SLC39A11: variants seen among roughly 807,000 people sequenced by gnomAD.
SLC39A11 encodes the protein zinc transporter ZIP11.
In SLC39A11, 33 loss-of-function variants were observed where a neutral mutation model predicts 36.1. That is an observed-to-expected ratio of 0.91 (90% CI 0.69 to 1.22). The LOEUF (loss-of-function observed/expected upper bound fraction) is 1.22. Among genes scored for constraint, SLC39A11 ranks in the 50% most tolerant of loss-of-function variants. The probability of loss-of-function intolerance (pLI) is 0.00; values close to 1 mark genes in which losing one functional copy is unlikely to be tolerated. For synonymous variants in SLC39A11, 166 were observed against 170.3 expected (o/e 0.97, Z 0.20); for missense variants, 432 against 430.3 (o/e 1.00, Z -0.03).
intron 6 of SLC39A11, among the ~76,000 whole-genome samples, chr17:72,776,143 T>C (rs1222375057): frequency 6.6e-6 from 1 of 152,176 alleles, no homozygotes; most frequent in African/African-American, 2.4e-5. Context: ...AGATGGCGGA[T>C]TGGAGGCGCC....
chr17:73,017,525 C>T (rs62073071), intron 4 of SLC39A11, among the ~76,000 whole-genome samples: 40,293 of 152,008 alleles, frequency 0.27, 6,782 homozygotes, highest in Middle Eastern at 0.45. Flanking sequence ...CCAGCCTGAG[C>T]ATCATGGTGA....
chr17:72,967,399 A>AGAGAGAGTGTGTGT (rs143987646), intron 4 of SLC39A11, among the ~76,000 whole-genome samples: 5 of 138,198 alleles, frequency 3.6e-5, no homozygotes, highest in Admixed American at 2.2e-4. Flanking sequence ...AGAGAGAGAG[A>AGAGAGAGTGTGTGT]GTGTGTGTGT....
At chr17:73,004,669 C>T (rs1011526652) in intron 4 of SLC39A11, among the ~76,000 whole-genome samples, 4 of 152,196 alleles carry the variant, frequency 2.6e-5, no homozygotes, top group South Asian at 2.1e-4. Context: ...GAAGTTAAAG[C>T]GTAAGACACC....
chr17:73,053,208 A>T (rs1171418106), intron 3 of SLC39A11, among the ~76,000 whole-genome samples: 1 of 151,502 alleles, frequency 6.6e-6, no homozygotes, highest in East Asian at 1.9e-4. Flanking sequence ...AACAGAAACA[A>T]CCATTATGTA....
At chr17:73,020,185 T>C (rs959526340) in intron 4 of SLC39A11, among the ~76,000 whole-genome samples, 18 of 152,336 alleles carry the variant, frequency 1.2e-4, no homozygotes, top group Admixed American at 1.2e-3. Context: ...AAACAGAATA[T>C]TTGTGTCCCC....
At chr17:73,009,058 C>CAAAAAAAAA (rs34448509) in intron 4 of SLC39A11, among the ~76,000 whole-genome samples, 2 of 78,816 alleles carry the variant, frequency 2.5e-5, no homozygotes, top group African/African-American at 4.6e-5. Context: ...AGACCTGCCT[C>CAAAAAAAAA]AAAAAAAAAA....
chr17:72,919,681 A>G lies in SLC39A11; in HGVS notation c.430+28071T>C, dbSNP rs796639440. 2.3e-4 allele frequency among the ~76,000 whole-genome samples: 34 copies of G among 146,606 alleles called. 3 individuals are homozygous for G. Among genetic ancestry groups the G allele is most frequent in the African/African-American group, 8.8e-4 (34 of 38,502 alleles). On this transcript the variant is annotated intron_variant, in intron 5 of 9. Transcript: ENST00000255559. ...AGGGAGAGTCCGTCAAAAAAAAAAAAAAAAGAAAAAAAGAAGGAAACCCAA... is the reference window on the plus strand; with the variant it reads ...AGGGAGAGTCCGTCAAAAAAAAAAAGAAAAGAAAAAAAGAAGGAAACCCAA...
chr17:73,078,278 C>T (rs570696653), intron 3 of SLC39A11, among the ~76,000 whole-genome samples: 9 of 150,904 alleles, frequency 6.0e-5, no homozygotes, highest in Admixed American at 2.0e-4. Flanking sequence ...AAACTAGGTG[C>T]CCCATCACTC....
intron 3 of SLC39A11, among the ~76,000 whole-genome samples, chr17:73,062,475 A>AAAAAAAAAAAAAAAAAAACAAAAC (rs56021607): frequency 8.0e-5 from 7 of 87,032 alleles, no homozygotes; most frequent in Admixed American, 3.0e-4. Flanking sequence ...AAAAAAAAAA[A>AAAAAAAAAAAAAAAAAAACAAAAC]AAACTTTAGG....
intron 5 of SLC39A11, among the ~76,000 whole-genome samples, chr17:72,886,931 T>C (rs2081466046): frequency 6.6e-6 from 1 of 152,208 alleles, no homozygotes; most frequent in Admixed American, 6.5e-5. Context: ...TTTCACATCT[T>C]TCAGGTCTTT....
At chr17:72,670,330 C>T (rs984072999) in intron 7 of SLC39A11, among the ~76,000 whole-genome samples, 1 of 150,898 alleles carries the variant, frequency 6.6e-6, no homozygotes, top group Non-Finnish European at 1.5e-5. Flanking sequence ...GTGATTGTGC[C>T]ACTGCACTCC....
intron 4 of SLC39A11, among the ~76,000 whole-genome samples, chr17:73,026,231 G>GAAGAGAAGAGAAGAGA (rs1568146537): frequency 6.6e-6 from 1 of 151,452 alleles, no homozygotes; most frequent in Non-Finnish European, 1.5e-5. Context: ...GAAGAGAAGA[G>GAAGAGAAGAGAAGAGA]AAAAGGGAAA....
At chr17:73,053,236 ATTTTC>A (rs955623830) in intron 3 of SLC39A11, among the ~76,000 whole-genome samples, 14 of 106,024 alleles carry the variant, frequency 1.3e-4, no homozygotes, top group African/African-American at 4.0e-4. Flanking sequence ...AGCCCATTTG[ATTTTC>A]TTTTTTTTTT....
At chr17:73,002,245 A>G (rs1256541787) in intron 4 of SLC39A11, among the ~76,000 whole-genome samples, 1 of 152,214 alleles carries the variant, frequency 6.6e-6, no homozygotes, top group African/African-American at 2.4e-5. Flanking sequence ...CTTACAATCA[A>G]GGGAACATGG....
At chr17:73,020,841 C>A (rs183734589) in intron 4 of SLC39A11, among the ~76,000 whole-genome samples, 320 of 152,050 alleles carry the variant, frequency 2.1e-3, no homozygotes, top group East Asian at 0.018. Flanking sequence ...TGCCACCACA[C>A]CCGGCTAATT....
intron 6 of SLC39A11, among the ~76,000 whole-genome samples, chr17:72,740,056 C>CTTTTTTTTTTTTTTTT (rs386386565): frequency 2.5e-5 from 2 of 81,472 alleles, no homozygotes; most frequent in African/African-American, 5.1e-5. Flanking sequence ...CTTTCCTTTT[C>CTTTTTTTTTTTTTTTT]TTTTTTTTTT....
intron 7 of SLC39A11, among the ~76,000 whole-genome samples, chr17:72,672,046 AAC>A (rs1027341794): frequency 4.7e-5 from 7 of 148,888 alleles, no homozygotes; most frequent in South Asian, 4.2e-4. Flanking sequence ...TACACACACA[AAC>A]ACACACACAC....
At chr17:72,826,028 G>A (rs572758089) in intron 6 of SLC39A11, among the ~76,000 whole-genome samples, 1 of 152,176 alleles carries the variant, frequency 6.6e-6, no homozygotes, top group Non-Finnish European at 1.5e-5. Flanking sequence ...ATGTGAGAAG[G>A]ACATGAGATT....
intron 5 of SLC39A11, among the ~76,000 whole-genome samples, chr17:72,938,279 C>A (rs1316993136): frequency 1.3e-5 from 2 of 152,146 alleles, no homozygotes; most frequent in Non-Finnish European, 2.9e-5. Context: ...TGATTCCTTT[C>A]TTTAGGGAAG....
Sources: allele counts gnomAD v4.1 joint callset (sites outside exome capture counted in the v4.1 genomes callset), GRCh38; gene constraint gnomAD v4.1.1; transcripts MANE v1.5; gene names NCBI Gene and HGNC (gene_info 2026-07-23, HGNC 2026-07-21).